DCLK1: variants seen among roughly 807,000 people sequenced by gnomAD.
The protein encoded by DCLK1 is doublecortin like kinase 1, also known as serine/threonine-protein kinase DCLK1.
DCLK1 carries 16 observed loss-of-function variants against 86.2 expected under a neutral mutation model. The observed-to-expected ratio is 0.19, with a 90% CI of 0.13 to 0.28. The LOEUF is 0.28. Ranked by LOEUF, DCLK1 falls within the 10% of genes least tolerant of loss-of-function variation. The pLI is 1.00. For missense variants in DCLK1, 590 were observed against 940.2 expected, an observed-to-expected ratio of 0.63 and a Z score of 4.87; for synonymous variants, 369 against 370.5, an observed-to-expected ratio of 1.00 and a Z score of 0.05.
chr13:36,081,385 A>G (rs2138112541), intron 3 of DCLK1, among the ~76,000 whole-genome samples: 1 of 152,280 alleles, frequency 6.6e-6, no homozygotes, highest in African/African-American at 2.4e-5. Flanking sequence ...GTTATAAAAA[A>G]TCTAATGAAG....
chr13:36,123,758 C>T (rs1886070955), intron 2 of DCLK1, among the ~76,000 whole-genome samples: 1 of 152,242 alleles, frequency 6.6e-6, no homozygotes, highest in African/African-American at 2.4e-5. Flanking sequence ...GGGATTTGGC[C>T]AGTGCCTGGC....
In DCLK1 at chr13:35,775,477, T is replaced by A. The variant is rs188231792; in HGVS notation, c.2059-778A>T. The stretch of plus-strand genomic sequence containing the variant: ...CTCCGATGATTCCCCGGATGTGTTA[T>A]CTGCCTGTAGCTCTGGATGTTATCA... On this transcript the variant is annotated intron_variant, in intron 16 of 16. Transcript: ENST00000360631. Among the ~76,000 whole-genome samples, 401 of 152,308 alleles carry A rather than the reference T, an allele frequency of 2.6e-3. 2 individuals are homozygous for A. Among genetic ancestry groups the A allele is most frequent in the African/African-American group, 9.3e-3 (388 of 41,568 alleles).
intron 4 of DCLK1, among the ~76,000 whole-genome samples, chr13:35,924,701 C>T (rs537086044): frequency 2.2e-4 from 34 of 152,212 alleles, no homozygotes; most frequent in African/African-American, 8.2e-4. Flanking sequence ...TAGTATTCTG[C>T]ACATGAATAT....
At chr13:35,944,354 T>C (rs1481691532) in intron 4 of DCLK1, among the ~76,000 whole-genome samples, 2 of 152,178 alleles carry the variant, frequency 1.3e-5, no homozygotes, top group African/African-American at 4.8e-5. Context: ...GTAGTAATTC[T>C]GAAGATGTCT....
At chr13:35,986,323 A>T (rs913299499) in intron 3 of DCLK1, among the ~76,000 whole-genome samples, 1 of 150,776 alleles carries the variant, frequency 6.6e-6, no homozygotes, top group African/African-American at 2.4e-5. Flanking sequence ...AAAAAAAAAA[A>T]AAAAAGGCCA....
chr13:36,028,340 C>T (rs1222130622), intron 3 of DCLK1, among the ~76,000 whole-genome samples: 1 of 152,184 alleles, frequency 6.6e-6, no homozygotes, highest in Non-Finnish European at 1.5e-5. Context: ...GTAGAGACTT[C>T]AGGCTGGTCT....
chr13:35,902,707 T>G (rs923084073), intron 4 of DCLK1, among the ~76,000 whole-genome samples: 1 of 151,818 alleles, frequency 6.6e-6, no homozygotes, highest in African/African-American at 2.4e-5. Context: ...CGGTGGGGGG[T>G]GCTGTGACAA....
chr13:35,966,674 T>C (rs1176492812), intron 3 of DCLK1, among the ~76,000 whole-genome samples: 2 of 151,900 alleles, frequency 1.3e-5, no homozygotes, highest in African/African-American at 4.8e-5. Flanking sequence ...CTGACTGGTT[T>C]TCGTATTTTT....
intron 5 of DCLK1, among the ~76,000 whole-genome samples, chr13:35,863,042 T>C (rs1871516581): frequency 6.6e-6 from 1 of 152,214 alleles, no homozygotes; most frequent in Non-Finnish European, 1.5e-5. Flanking sequence ...ATGCTTATCA[T>C]TGCTTACAAT....
rs536954796 is a variant in DCLK1 at position 35,828,888 on chromosome 13, T to C, written c.1230-581A>G. Among the ~76,000 whole-genome samples the C allele has an allele frequency of 8.0e-4, 121 of 151,358 alleles. No homozygotes were observed. In the Middle Eastern group the frequency reaches 0.01, roughly 13 times the overall value. On this transcript the variant is annotated intron_variant, in intron 8 of 16. Coordinates refer to ENST00000360631, the MANE Select transcript of DCLK1 (RefSeq NM_001330071.2). Reference sequence around the variant, plus strand: ...GTTCATGCAATTACACTGAAGACTCTAGAGAAAGCACTCCACGCTCTTTAG... The same window carrying C: ...GTTCATGCAATTACACTGAAGACTCCAGAGAAAGCACTCCACGCTCTTTAG...
At chr13:36,120,723 T>C (rs1033433355) in intron 2 of DCLK1, among the ~76,000 whole-genome samples, 1 of 152,068 alleles carries the variant, frequency 6.6e-6, no homozygotes, top group African/African-American at 2.4e-5. Context: ...GGAGAGGCAA[T>C]GCACAGAAAA....
chr13:35,796,993 TTC>T (rs1439345257), intron 15 of DCLK1, among the ~76,000 whole-genome samples: 1 of 152,092 alleles, frequency 6.6e-6, no homozygotes, highest in Non-Finnish European at 1.5e-5. Context: ...CAGTTAGAAA[TTC>T]TCTGTCAAGT....
intron 6 of DCLK1, among the ~76,000 whole-genome samples, chr13:35,840,550 G>A (rs1345445230): frequency 6.6e-6 from 1 of 152,180 alleles, no homozygotes. Flanking sequence ...GTTGAGAGAT[G>A]ACCCTTGTAT....
At chr13:36,095,361 A>G (rs1175587145) in intron 3 of DCLK1, among the ~76,000 whole-genome samples, 2 of 151,952 alleles carry the variant, frequency 1.3e-5, no homozygotes, top group African/African-American at 4.8e-5. Context: ...ATGTGTTACC[A>G]CATCCAGCTA....
chr13:35,988,997 C>T (rs1226952310), intron 3 of DCLK1, among the ~76,000 whole-genome samples: 2 of 152,124 alleles, frequency 1.3e-5, no homozygotes, highest in African/African-American at 2.4e-5. Context: ...CAGGTGCTCT[C>T]TCACCTGCAG....
At chr13:35,980,702 C>T (rs778827635) in intron 3 of DCLK1, among the ~76,000 whole-genome samples, 6 of 152,162 alleles carry the variant, frequency 3.9e-5, no homozygotes, top group Non-Finnish European at 8.8e-5. Flanking sequence ...CACCTCAGAT[C>T]ATCAGGCATT....
At chr13:36,126,264 G>T in intron 1 of DCLK1, 108 bp from the exon 2 acceptor site, 1 of 950,468 alleles carries the variant, frequency 1.1e-6, no homozygotes, top group Non-Finnish European at 1.4e-6. Context: ...GTCCTGCTCT[G>T]TCACCGGGCT....
At chr13:35,842,146 G>A (rs553940327) in intron 6 of DCLK1, among the ~76,000 whole-genome samples, 7 of 139,020 alleles carry the variant, frequency 5.0e-5, no homozygotes, top group African/African-American at 1.3e-4. Context: ...GGAGAATGGC[G>A]TGAATCCAGG....
chr13:35,984,203 G>A (rs1879793955), intron 3 of DCLK1, among the ~76,000 whole-genome samples: 1 of 152,210 alleles, frequency 6.6e-6, no homozygotes, highest in Non-Finnish European at 1.5e-5. Flanking sequence ...GTGGGTGTCT[G>A]TCTGTCAGCC....
Sources: gnomAD v4.1 joint callset for allele counts (sites outside exome capture counted in the v4.1 genomes callset) on GRCh38, gnomAD v4.1.1 for gene constraint, MANE v1.5 for transcripts, NCBI Gene and HGNC (gene_info 2026-07-23, HGNC 2026-07-21) for gene names.